The following CACUL1 variants were observed in gnomAD, a reference collection of about 807,000 sequenced individuals.
CACUL1 encodes the protein CDK2 associated cullin domain 1.
CACUL1 carries 13 observed loss-of-function variants against 45.2 expected under a neutral mutation model. That is an observed-to-expected ratio of 0.29 (90% CI 0.19 to 0.46). The LOEUF is 0.46. Among genes scored for constraint, CACUL1 ranks in the 20% least tolerant of loss-of-function variants. CACUL1 has a pLI of 1.00. For missense variants in CACUL1, 421 were observed against 471.4 expected, an observed-to-expected ratio of 0.89 and a Z score of 0.99; for synonymous variants, 197 against 174.2, an observed-to-expected ratio of 1.13 and a Z score of -1.03.
At chr10:118,749,578 T>G (rs74395902) in intron 1 of CACUL1, among the ~76,000 whole-genome samples, 6,813 of 152,304 alleles carry the variant, frequency 0.045, 177 homozygotes, top group Non-Finnish European at 0.055. Context: ...AAGAAGAGGA[T>G]GAGTTCCACT....
rs993382440 is a variant in CACUL1 at position 118,754,838 on chromosome 10, G to A, written c.-76C>T. ...CAACCCCGGGCCAGCGGGCACCGCT[G>A]CCTCCCCGAGTTACATCGCCGGCGG... On this transcript the variant is annotated 5_prime_UTR_variant, in exon 1 of 9. Transcript: ENST00000369151. The A allele has an allele frequency of 2.7e-6, 4 of 1,488,842 alleles. No individual in the cohort carries two copies. Among genetic ancestry groups the A allele is most frequent in the Admixed American group, 4.8e-5 (2 of 41,558 alleles). 92.2% of individuals were successfully genotyped at this position (1,488,842 alleles called of 1,614,324 possible).
At chr10:118,738,545 C>T (rs1255643847) in intron 1 of CACUL1, among the ~76,000 whole-genome samples, 1 of 135,358 alleles carries the variant, frequency 7.4e-6, no homozygotes, top group African/African-American at 2.8e-5. Flanking sequence ...ACTAAACAGT[C>T]CCAGAGAAAA....
chr10:118,696,646 A>C (rs1845326447), intron 5 of CACUL1, among the ~76,000 whole-genome samples: 1 of 151,698 alleles, frequency 6.6e-6, no homozygotes, highest in African/African-American at 2.4e-5. Flanking sequence ...CTATCTAATA[A>C]AAAAAAAAGT....
intron 1 of CACUL1, among the ~76,000 whole-genome samples, chr10:118,748,612 T>C (rs1255360440): frequency 1.3e-5 from 2 of 152,202 alleles, no homozygotes; most frequent in African/African-American, 4.8e-5. Flanking sequence ...ACCAATATGA[T>C]GCTTAAAGGA....
At chr10:118,706,645 T>G (rs1845434872) in intron 4 of CACUL1, among the ~76,000 whole-genome samples, 1 of 152,208 alleles carries the variant, frequency 6.6e-6, no homozygotes, top group Non-Finnish European at 1.5e-5. Flanking sequence ...CATTTCTTTC[T>G]TGGTAAAAGG....
intron 4 of CACUL1, among the ~76,000 whole-genome samples, chr10:118,701,754 C>T (rs1373973324): frequency 6.6e-6 from 1 of 152,054 alleles, no homozygotes; most frequent in Non-Finnish European, 1.5e-5. Flanking sequence ...TGAAAAGTAC[C>T]CCATTTATCA....
intron 1 of CACUL1, among the ~76,000 whole-genome samples, chr10:118,741,077 G>C (rs1845788353): frequency 6.6e-6 from 1 of 152,114 alleles, no homozygotes; most frequent in Admixed American, 6.5e-5. Flanking sequence ...GAAATGTGTG[G>C]CTAATACCAG....
chr10:118,719,048 T>C (rs1845574557), intron 3 of CACUL1, among the ~76,000 whole-genome samples: 2 of 152,184 alleles, frequency 1.3e-5, no homozygotes, highest in Non-Finnish European at 2.9e-5. Flanking sequence ...CCACATGAAG[T>C]AGCTATCACA....
intron 3 of CACUL1, among the ~76,000 whole-genome samples, chr10:118,727,553 G>A (rs1240733579): frequency 1.3e-5 from 2 of 152,122 alleles, no homozygotes; most frequent in African/African-American, 4.8e-5. Context: ...AACAGACACT[G>A]TGATATATAC....
chr10:118,750,177 T>C (rs1845883118), intron 1 of CACUL1, among the ~76,000 whole-genome samples: 1 of 151,788 alleles, frequency 6.6e-6, no homozygotes, highest in Non-Finnish European at 1.5e-5. Flanking sequence ...AATACAAAAA[T>C]TAGCCGGGCA....
intron 3 of CACUL1, among the ~76,000 whole-genome samples, chr10:118,727,836 T>A (rs1298838684): frequency 6.6e-6 from 1 of 151,926 alleles, no homozygotes; most frequent in African/African-American, 2.4e-5. Flanking sequence ...TGTGACAGAG[T>A]CCACAGCGAG....
At chr10:118,751,697 T>C (rs544477210) in intron 1 of CACUL1, among the ~76,000 whole-genome samples, 2 of 152,312 alleles carry the variant, frequency 1.3e-5, no homozygotes, top group Admixed American at 6.5e-5. Context: ...CCACACACCA[T>C]ATAAATTTTA....
Position 118,682,700 on chromosome 10 carries a change from G to A in CACUL1, c.*3428C>T, listed in dbSNP as rs1201313809. 1 of 152,674 alleles carries A rather than the reference G, an allele frequency of 6.5e-6. No individual in the cohort carries two copies. Among genetic ancestry groups the A allele is most frequent in the Admixed American group, 6.5e-5 (1 of 15,288 alleles). The allele number at this position is 152,674 out of a possible 1,614,324, so 9.5% of individuals were successfully genotyped here. On this transcript the variant is annotated 3_prime_UTR_variant, in exon 9 of 9. Transcript: ENST00000369151. ...CAAACTCTTCCTGAGGAATTTATGTGTGCAAATCTGCAACCCGACAGCATG... is the reference window on the plus strand; with the variant it reads ...CAAACTCTTCCTGAGGAATTTATGTATGCAAATCTGCAACCCGACAGCATG...
rs1283640158 is a variant in CACUL1, at chr10:118,679,209, TTG to T, written c.*6917_*6918del. 1 of 151,844 alleles carries T rather than the reference TTG, an allele frequency of 6.6e-6. No individual in the cohort carries two copies. Among genetic ancestry groups the T allele is most frequent in the Non-Finnish European group, 1.5e-5 (1 of 67,986 alleles). 9.4% of individuals were successfully genotyped at this position (151,844 alleles called of 1,614,324 possible). A position where few individuals can be genotyped will look rare whatever the true frequency, so the allele number is the denominator to read the frequency against. ...CAGGTACCACCACGCCCAACTTTTT[TTG>T]TGTTTTTTTGAGACAGAGTCTCGCT... is the stretch of plus-strand genomic sequence containing the variant. On this transcript the variant is annotated 3_prime_UTR_variant, in exon 9 of 9. Coordinates refer to ENST00000369151, the MANE Select transcript of CACUL1 (RefSeq NM_153810.5).
chr10:118,692,134 A>G (rs965085991), intron 6 of CACUL1, among the ~76,000 whole-genome samples: 1 of 152,128 alleles, frequency 6.6e-6, no homozygotes, highest in African/African-American at 2.4e-5. Flanking sequence ...ATAAGTAGAC[A>G]TATTTAAAAA....
At chr10:118,704,869 T>C (rs1474867564) in intron 4 of CACUL1, among the ~76,000 whole-genome samples, 2 of 152,230 alleles carry the variant, frequency 1.3e-5, no homozygotes, top group African/African-American at 4.8e-5. Flanking sequence ...CTCATTCTTC[T>C]TGGGCGCAGT....
intron 1 of CACUL1, among the ~76,000 whole-genome samples, chr10:118,753,010 G>C (rs1246839503): frequency 6.6e-6 from 1 of 151,958 alleles, no homozygotes; most frequent in African/African-American, 2.4e-5. Flanking sequence ...TAATCTTTTG[G>C]TGTGACAAAT....
rs1393559782 is a variant in CACUL1 at position 118,753,752 on chromosome 10, T to A, written c.367+644A>T. Among the ~76,000 whole-genome samples, 2 of 152,236 alleles carry A rather than the reference T, an allele frequency of 1.3e-5. 1 individual carries two copies. The highest frequency in any genetic ancestry group is 3.8e-4 in the East Asian group (2 of 5,198). ...ACCCATCCTGAAAGGCTTATTCTTA[T>A]GAGTGTAAGCTCTGAAAAGTGATTT... On this transcript the variant is annotated intron_variant, in intron 1 of 8. Coordinates refer to ENST00000369151, the MANE Select transcript of CACUL1 (RefSeq NM_153810.5).
In CACUL1 at chr10:118,717,832, G is replaced by A. The variant is rs75605290; in HGVS notation, c.598-10245C>T. ...ACTGGGTCATCAAGAGAAGGACTGG[G>A]GGCAGTGAAAGAAATCTGAGAGGCC... On this transcript the variant is annotated intron_variant, in intron 3 of 8. Transcript: ENST00000369151. Among the ~76,000 whole-genome samples the A allele has an allele frequency of 1.8e-3, 281 of 152,272 alleles. 2 individuals are homozygous for A. The highest frequency in any genetic ancestry group is 6.5e-3 in the African/African-American group (271 of 41,554).
Sources: allele counts gnomAD v4.1 joint callset (sites outside exome capture counted in the v4.1 genomes callset), GRCh38; gene constraint gnomAD v4.1.1; transcripts MANE v1.5; gene names NCBI Gene and HGNC (gene_info 2026-07-23, HGNC 2026-07-21).